The following TSPAN3 variants were observed in gnomAD, a reference collection of about 807,000 sequenced individuals.
TSPAN3 encodes tetraspanin-3.
Under a neutral mutation model 31.1 loss-of-function variants are expected in TSPAN3, and 9 were observed. The ratio of observed to expected loss-of-function variants is 0.29; its 90% CI spans 0.17 to 0.50. The LOEUF is 0.50. TSPAN3 is among the 20% of genes least tolerant of loss of function. The pLI, the probability that TSPAN3 is intolerant of heterozygous loss-of-function variation, is 0.98. For missense variants in TSPAN3, 252 were observed against 313.5 expected (o/e 0.80, Z 1.48); for synonymous variants, 129 against 114.3 (o/e 1.13, Z -0.82).
At chr15:77,053,472 AAAAAAAAAAAAAAAAAAAAAAAG>A (rs1170349379) in intron 4 of TSPAN3, among the ~76,000 whole-genome samples, 122 of 87,142 alleles carry the variant, frequency 1.4e-3, no homozygotes, top group African/African-American at 3.9e-3. Context: ...AAAAAAAAAA[AAAAAAAAAAAAAAAAAAAAAAAG>A]AAAAGAAAAG....
intron 1 of TSPAN3, chr15:77,064,687 A>G (rs1596169935): frequency 6.6e-6 from 1 of 152,254 alleles, no homozygotes; most frequent in East Asian, 1.9e-4. Context: ...AAACTAAGAC[A>G]GACACTTCCT....
intron 1 of TSPAN3, among the ~76,000 whole-genome samples, chr15:77,068,608 T>A (rs1378510155): frequency 6.6e-6 from 1 of 152,232 alleles, no homozygotes; most frequent in Non-Finnish European, 1.5e-5. Flanking sequence ...GCCACATCTT[T>A]ACCTCTTAGG....
In TSPAN3 at chr15:77,054,316, C is replaced by A. The variant is rs74025050; in HGVS notation, c.331-37G>T. On this transcript the variant is annotated intron_variant, in intron 3 of 6. Coordinates refer to ENST00000267970, the MANE Select transcript of TSPAN3 (RefSeq NM_005724.6). ...CAAAGAATTCAGTCCCTCAAAAATA[C>A]TAGTAAAAGTAACATTAGTCAAGGC... is the stretch of plus-strand genomic sequence containing the variant. 1,665 of 1,412,876 alleles carry A rather than the reference C, an allele frequency of 1.2e-3. 13 individuals carry two copies. The African/African-American group carries it at 0.019, about 16-fold the overall frequency. 87.5% of individuals were successfully genotyped at this position (1,412,876 alleles called of 1,614,324 possible). A position where few individuals can be genotyped will look rare whatever the true frequency, so the allele number is the denominator to read the frequency against.
intron 1 of TSPAN3, among the ~76,000 whole-genome samples, chr15:77,069,331 T>C (rs959148652): frequency 2.0e-5 from 3 of 152,220 alleles, no homozygotes; most frequent in Non-Finnish European, 4.4e-5. Context: ...GCCCTTATAA[T>C]GGTCAGATTC....
chr15:77,045,270 T>C lies in TSPAN3; in HGVS notation c.*1565A>G. ...AATCAATGATCGAATTCCACCACTGTCCTGCCTCCAAACAGCCAGAATCCA... is the reference window on the plus strand; with the variant it reads ...AATCAATGATCGAATTCCACCACTGCCCTGCCTCCAAACAGCCAGAATCCA... On this transcript the variant is annotated 3_prime_UTR_variant, in exon 7 of 7. Transcript: ENST00000267970. 1 of 152,846 alleles carries C rather than the reference T, an allele frequency of 6.5e-6. No homozygotes were observed. Among genetic ancestry groups the C allele is most frequent in the Non-Finnish European group, 1.5e-5 (1 of 68,382 alleles). The allele number at this position is 152,846 out of a possible 1,614,324, so 9.5% of individuals were successfully genotyped here.
chr15:77,066,918 G>A (rs190573809), intron 1 of TSPAN3, among the ~76,000 whole-genome samples: 2 of 152,132 alleles, frequency 1.3e-5, no homozygotes, highest in African/African-American at 4.8e-5. Context: ...GCCGTAGCTG[G>A]TCAGGGCCTT....
In TSPAN3 at chr15:77,045,012, T is replaced by TA. The variant is rs2076681402; in HGVS notation, c.*1822dup. ...TAACTTCCACTTTGTGAAAAGGAGT[T>TA]AGTTTTTACTCCTCTCCTTTCCCGT... On this transcript the variant is annotated 3_prime_UTR_variant, in exon 7 of 7. Coordinates refer to ENST00000267970, the MANE Select transcript of TSPAN3 (RefSeq NM_005724.6). 1 of 152,152 alleles carries TA rather than the reference T, an allele frequency of 6.6e-6. No homozygotes were observed. Among genetic ancestry groups the TA allele is most frequent in the South Asian group, 2.1e-4 (1 of 4,826 alleles). The allele number at this position is 152,152 out of a possible 1,614,324, so 9.4% of individuals were successfully genotyped here. A position where few individuals can be genotyped will look rare whatever the true frequency, so the allele number is the denominator to read the frequency against.
intron 3 of TSPAN3, chr15:77,055,577 G>C (rs2076763687): frequency 2.3e-6 from 1 of 433,692 alleles, no homozygotes; most frequent in Non-Finnish European, 4.1e-6. Context: ...CTATAATCAA[G>C]AACAATACAT....
intron 3 of TSPAN3, 66 bp from the exon 4 acceptor site, chr15:77,054,345 T>C (rs1399693858): frequency 6.4e-6 from 7 of 1,095,136 alleles, no homozygotes; most frequent in Non-Finnish European, 9.7e-6. Context: ...TCAAGGCTCC[T>C]ACTAAAATAC....
chr15:77,047,122 C>T (rs562619686), intron 6 of TSPAN3, among the ~76,000 whole-genome samples, 195 bp from the exon 7 acceptor site: 41 of 152,290 alleles, frequency 2.7e-4, no homozygotes, highest in Middle Eastern at 3.4e-3. Flanking sequence ...GCTTCAGCTT[C>T]CCTCCCAGGA....
Position 77,043,077 on chromosome 15 carries a change from C to A in TSPAN3, c.*3758G>T, listed in dbSNP as rs558334614. ...TTCTTCTGTCTCCTTTCGTCCTGCA[C>A]GGGTCCCAGCAGCATTCCCCACCGT... On this transcript the variant is annotated 3_prime_UTR_variant, in exon 7 of 7. Transcript: ENST00000267970. 6.6e-6 allele frequency: 1 copy of A among 152,512 alleles called. No homozygotes were observed. The highest frequency in any genetic ancestry group is 2.4e-5 in the African/African-American group (1 of 41,544). The allele number at this position is 152,512 out of a possible 1,614,324, so 9.4% of individuals were successfully genotyped here. A position where few individuals can be genotyped will look rare whatever the true frequency, so the allele number is the denominator to read the frequency against.
chr15:77,047,732 T>C (rs2076703864), intron 6 of TSPAN3, among the ~76,000 whole-genome samples: 1 of 152,240 alleles, frequency 6.6e-6, no homozygotes. Flanking sequence ...GAGAAAATGA[T>C]TCTAGAATTT....
intron 1 of TSPAN3, chr15:77,067,576 C>T (rs1204208553): frequency 3.3e-5 from 5 of 152,170 alleles, no homozygotes; most frequent in Non-Finnish European, 5.9e-5. Context: ...CCTAGGTAAA[C>T]ATTTGATAAG....
At chr15:77,053,089 C>T (rs973677296) in intron 4 of TSPAN3, among the ~76,000 whole-genome samples, 160 bp from the exon 5 acceptor site, 3 of 152,182 alleles carry the variant, frequency 2.0e-5, no homozygotes, top group Admixed American at 6.5e-5. Context: ...CCACTAGCCA[C>T]ATGAAGCTCT....
intron 1 of TSPAN3, among the ~76,000 whole-genome samples, chr15:77,065,339 A>G (rs538497696): frequency 1.5e-4 from 23 of 152,354 alleles, no homozygotes; most frequent in African/African-American, 5.5e-4. Flanking sequence ...ATATAAGCAC[A>G]AAGTAGGTGC....
At chr15:77,069,678 C>A (rs751817576) in intron 1 of TSPAN3, among the ~76,000 whole-genome samples, 5 of 152,078 alleles carry the variant, frequency 3.3e-5, no homozygotes, top group Non-Finnish European at 7.3e-5. Context: ...AGACAGCTGT[C>A]AGGATATGAA....
rs1191080107 is a variant in TSPAN3, at chr15:77,045,271, CCTG to C, written c.*1561_*1563del. 1.3e-5 allele frequency: 2 copies of C among 152,792 alleles called. No individual in the cohort carries two copies. Among genetic ancestry groups the C allele is most frequent in the African/African-American group, 4.8e-5 (2 of 41,460 alleles). 9.5% of individuals were successfully genotyped at this position (152,792 alleles called of 1,614,324 possible). A position where few individuals can be genotyped will look rare whatever the true frequency, so the allele number is the denominator to read the frequency against. ...ATCAATGATCGAATTCCACCACTGT[CCTG>C]CCTCCAAACAGCCAGAATCCACCGC... On this transcript the variant is annotated 3_prime_UTR_variant, in exon 7 of 7. Coordinates refer to ENST00000267970, the MANE Select transcript of TSPAN3 (RefSeq NM_005724.6).
Position 77,052,934 on chromosome 15 carries a change from A to G in TSPAN3, c.433-5T>C. ...GTGAATTCCACAACAATGCAGCTAA[A>G]GGAGAAGAGAATAAGTATTATTTCT... On this transcript the variant is annotated splice_polypyrimidine_tract_variant and splice_region_variant and intron_variant, in intron 4 of 6. Transcript: ENST00000267970. 6.2e-7 allele frequency: 1 copy of G among 1,611,856 alleles called. No individual in the cohort carries two copies. The highest frequency in any genetic ancestry group is 8.5e-7 in the Non-Finnish European group (1 of 1,178,596).
At chr15:77,053,850 C>T (rs1489427912) in intron 4 of TSPAN3, among the ~76,000 whole-genome samples, 1 of 152,112 alleles carries the variant, frequency 6.6e-6, no homozygotes, top group African/African-American at 2.4e-5. Flanking sequence ...CCTCCCACCT[C>T]CCCTGGAGTC....
Sources: allele counts gnomAD v4.1 joint callset (sites outside exome capture counted in the v4.1 genomes callset), GRCh38; gene constraint gnomAD v4.1.1; transcripts MANE v1.5; gene names NCBI Gene and HGNC (gene_info 2026-07-23, HGNC 2026-07-21).